The following DOCK3 variants were observed in gnomAD, a reference collection of about 807,000 sequenced individuals.
DOCK3 encodes the protein dedicator of cytokinesis 3.
DOCK3 carries 60 observed loss-of-function variants against 265.6 expected under a neutral mutation model. The observed-to-expected ratio is 0.23, with a 90% CI of 0.18 to 0.28. The LOEUF is 0.28. Ranked by LOEUF, DOCK3 falls within the 10% of genes least tolerant of loss-of-function variation. The pLI, the probability that DOCK3 is intolerant of heterozygous loss-of-function variation, is 1.00. For synonymous variants in DOCK3, 881 were observed against 938.0 expected (o/e 0.94, Z 1.11); for missense variants, 1,981 against 2,594.3 (o/e 0.76, Z 5.14).
chr3:50,899,785 A>G (rs1459840429), intron 4 of DOCK3, among the ~76,000 whole-genome samples: 1 of 152,110 alleles, frequency 6.6e-6, no homozygotes, highest in East Asian at 1.9e-4. Flanking sequence ...TCTTTTCTTT[A>G]AGAATGTTGA....
intron 2 of DOCK3, chr3:50,786,559 G>A: frequency 2.1e-6 from 1 of 486,046 alleles, no homozygotes; most frequent in Non-Finnish European, 3.9e-6. Context: ...GGAGATGGAT[G>A]TTAATGATGC....
At chr3:51,175,642 C>A (rs576219925) in intron 12 of DOCK3, among the ~76,000 whole-genome samples, 27 of 152,262 alleles carry the variant, frequency 1.8e-4, no homozygotes, top group Middle Eastern at 3.4e-3. Flanking sequence ...TCCTGCACTG[C>A]AGTTGGGAGG....
chr3:51,178,822 G>A (rs967480990), intron 12 of DOCK3, among the ~76,000 whole-genome samples: 1 of 152,168 alleles, frequency 6.6e-6, no homozygotes, highest in South Asian at 2.1e-4. Flanking sequence ...TGACAGATAT[G>A]AACACAGAAA....
intron 5 of DOCK3, among the ~76,000 whole-genome samples, chr3:50,988,139 G>C (rs1165016928): frequency 6.6e-6 from 1 of 152,202 alleles, no homozygotes; most frequent in Non-Finnish European, 1.5e-5. Context: ...AAGCTCCTGA[G>C]GGGAGAGGGA....
chr3:50,931,610 T>G (rs2051071175), intron 4 of DOCK3, among the ~76,000 whole-genome samples: 2 of 152,262 alleles, frequency 1.3e-5, no homozygotes, highest in Admixed American at 6.5e-5. Context: ...TATCATTAGC[T>G]TACTCCTTTT....
intron 4 of DOCK3, among the ~76,000 whole-genome samples, chr3:50,921,929 A>T (rs1223978242): frequency 6.6e-6 from 1 of 152,034 alleles, no homozygotes; most frequent in Admixed American, 6.6e-5. Flanking sequence ...TTCATCTCAG[A>T]GGGGCACCTG....
chr3:51,260,407 T>C lies in DOCK3; in HGVS notation c.2355+81T>C, dbSNP rs896154132. Reference sequence around the variant, plus strand: ...TTCTTTGTCCTCTGGTTTTCAGAGATGAAGAAGCCCTGCCAGGATCATGTG... The same window carrying C: ...TTCTTTGTCCTCTGGTTTTCAGAGACGAAGAAGCCCTGCCAGGATCATGTG... On this transcript the variant is annotated intron_variant, in intron 23 of 52. Coordinates refer to ENST00000266037, the MANE Select transcript of DOCK3 (RefSeq NM_004947.5). The C allele has an allele frequency of 1.9e-5, 28 of 1,438,324 alleles. No individual in the cohort carries two copies. The Middle Eastern group carries it at 7.7e-4, about 39-fold the overall frequency. 89.1% of individuals were successfully genotyped at this position (1,438,324 alleles called of 1,614,324 possible). A position where few individuals can be genotyped will look rare whatever the true frequency, so the allele number is the denominator to read the frequency against.
At chr3:51,363,643 C>G (rs968419214) in intron 49 of DOCK3, among the ~76,000 whole-genome samples, 2 of 152,192 alleles carry the variant, frequency 1.3e-5, no homozygotes, top group Admixed American at 6.5e-5. Context: ...CCACTTCCCC[C>G]ACCTGACAAC....
chr3:50,699,661 A>G (rs2035906428), intron 1 of DOCK3, among the ~76,000 whole-genome samples: 1 of 152,010 alleles, frequency 6.6e-6, no homozygotes. Flanking sequence ...CCATATGGCA[A>G]CTGGTCAGCT....
intron 4 of DOCK3, among the ~76,000 whole-genome samples, chr3:50,921,135 C>CTT (rs2050434978): frequency 6.6e-6 from 1 of 152,136 alleles, no homozygotes; most frequent in African/African-American, 2.4e-5. Context: ...AATTTCTGTT[C>CTT]TTTTACGTTT....
intron 19 of DOCK3, among the ~76,000 whole-genome samples, chr3:51,235,604 A>G (rs1292841709): frequency 6.6e-6 from 1 of 152,162 alleles, no homozygotes; most frequent in African/African-American, 2.4e-5. Context: ...TATTACCCCT[A>G]TCTACACCTT....
intron 5 of DOCK3, among the ~76,000 whole-genome samples, chr3:50,974,236 T>A (rs1266900866): frequency 1.4e-4 from 22 of 151,810 alleles, no homozygotes; most frequent in African/African-American, 4.8e-4. Context: ...CTGAATGGTA[T>A]TGCCTAGGTT....
At chr3:51,336,865 C>G in intron 35 of DOCK3, 3 of 456,078 alleles carry the variant, frequency 6.6e-6, no homozygotes, top group Non-Finnish European at 8.8e-6. Flanking sequence ...ATAGAAAATA[C>G]AAATCACTAA....
intron 5 of DOCK3, among the ~76,000 whole-genome samples, chr3:50,964,532 A>G (rs575246121): frequency 2.6e-5 from 4 of 152,300 alleles, no homozygotes; most frequent in African/African-American, 4.8e-5. Flanking sequence ...AGGAGAAAAG[A>G]TTAGTGAACT....
At chr3:51,205,279 C>A (rs1040984465) in intron 12 of DOCK3, among the ~76,000 whole-genome samples, 1 of 151,882 alleles carries the variant, frequency 6.6e-6, no homozygotes, top group Non-Finnish European at 1.5e-5. Flanking sequence ...CCTAAATATG[C>A]CTTTAATAAC....
chr3:50,883,038 G>A (rs12490039), intron 3 of DOCK3, among the ~76,000 whole-genome samples: 10,713 of 152,122 alleles, frequency 0.07, 958 homozygotes, highest in East Asian at 0.33. Flanking sequence ...AACACTGCAT[G>A]TTCTCACTCA....
chr3:51,041,673 G>T (rs905090483), intron 5 of DOCK3, among the ~76,000 whole-genome samples: 24 of 152,146 alleles, frequency 1.6e-4, no homozygotes, highest in Non-Finnish European at 3.2e-4. Flanking sequence ...TCAAAGAGCA[G>T]TAATATTTTG....
chr3:51,045,393 ATAGTAACATCAGAG>A (rs770313464), intron 5 of DOCK3, among the ~76,000 whole-genome samples: 1 of 152,144 alleles, frequency 6.6e-6, no homozygotes, highest in Non-Finnish European at 1.5e-5. Flanking sequence ...AACAATTACA[ATAGTAACATCAGAG>A]ATCACTGATC....
intron 14 of DOCK3, among the ~76,000 whole-genome samples, chr3:51,219,212 A>C (rs916181858): frequency 3.3e-5 from 5 of 152,052 alleles, no homozygotes; most frequent in East Asian, 1.9e-4. Flanking sequence ...TGTTTGTCTT[A>C]ATTGTTCTTG....
Sources: gnomAD v4.1 joint callset for allele counts (sites outside exome capture counted in the v4.1 genomes callset) on GRCh38, gnomAD v4.1.1 for gene constraint, MANE v1.5 for transcripts, NCBI Gene and HGNC (gene_info 2026-07-23, HGNC 2026-07-21) for gene names.